Variants in PRKAA2 observed in about 807,000 individuals in gnomAD.
PRKAA2 encodes the protein 5'-AMP-activated protein kinase catalytic subunit alpha-2.
PRKAA2 carries 40 observed loss-of-function variants against 56.3 expected under a neutral mutation model. The ratio of observed to expected loss-of-function variants is 0.71; its 90% CI spans 0.55 to 0.92. The LOEUF is 0.92. Ranked by LOEUF, PRKAA2 falls within the 40% of genes least tolerant of loss-of-function variation. PRKAA2 has a pLI of 0.00. For synonymous variants in PRKAA2, 214 were observed against 234.2 expected, an observed-to-expected ratio of 0.91 and a Z score of 0.79; for missense variants, 542 against 686.9, an observed-to-expected ratio of 0.79 and a Z score of 2.36.
chr1:56,647,812 T>C (rs1646655473), intron 1 of PRKAA2, among the ~76,000 whole-genome samples: 1 of 151,740 alleles, frequency 6.6e-6, no homozygotes, highest in Non-Finnish European at 1.5e-5. Flanking sequence ...GGCGGTTCAA[T>C]TGAGGTCAGG....
chr1:56,663,974 C>T (rs1337146627), intron 1 of PRKAA2, among the ~76,000 whole-genome samples: 3 of 152,090 alleles, frequency 2.0e-5, no homozygotes, highest in Admixed American at 6.5e-5. Flanking sequence ...TGGTGCACGC[C>T]TATGGTTACA....
At chr1:56,692,213 G>A in intron 3 of PRKAA2, 145 bp from the exon 4 acceptor site, 1 of 899,698 alleles carries the variant, frequency 1.1e-6, no homozygotes, top group South Asian at 1.6e-5. Flanking sequence ...TGTATTTTTA[G>A]TAGAGATGGA....
Position 56,704,297 on chromosome 1 carries a change from C to T in PRKAA2, c.1115C>T (p.Pro372Leu). 6.2e-7 allele frequency: 1 copy of T among 1,614,092 alleles called. No homozygotes were observed. Among genetic ancestry groups the T allele is most frequent in the Non-Finnish European group, 8.5e-7 (1 of 1,180,010 alleles). Reference sequence around the variant, plus strand: ...AAACCTCATCCAGAAAGGATGCCACCTCTTATAGCAGACAGCCCCAAAGCA... The same window carrying T: ...AAACCTCATCCAGAAAGGATGCCACTTCTTATAGCAGACAGCCCCAAAGCA... ...GLKPHPERMP[P>L]LIADSPKARC... Residue 372 changes from proline to leucine, a missense_variant, in exon 7 of 9, where the codon CCT (proline) becomes CTT (leucine). Pro to Leu is a moderately conservative substitution (Grantham distance 98). Around this residue, in one of 5 missense-constraint regions of PRKAA2, gnomAD observed 198 missense variants for 234.0 expected, o/e 0.85. Transcript: ENST00000371244.
In PRKAA2 at chr1:56,704,435, A is replaced by G; in HGVS notation, c.1253A>G (p.Glu418Gly). 1 of 1,610,434 alleles carries G rather than the reference A, an allele frequency of 6.2e-7. No individual in the cohort carries two copies. The highest frequency in any genetic ancestry group is 8.5e-7 in the Non-Finnish European group (1 of 1,179,056). ...AGCAAACCGTATGACATTATGGCTG[A>G]AGTTTACCGAGCTATGAAGCAGCTG... ...SQSKPYDIMA[E>G]VYRAMKQLDF... The change falls in exon 7 of 9, where the codon GAA (glutamate) becomes GGA (glycine). Residue 418 changes from glutamate (E) to glycine (G), a missense_variant. Coordinates refer to ENST00000371244, the MANE Select transcript of PRKAA2 (RefSeq NM_006252.4).
chr1:56,696,233 A>G, intron 6 of PRKAA2, 74 bp downstream of exon 6: 2 of 1,406,294 alleles, frequency 1.4e-6, no homozygotes, highest in South Asian at 2.6e-5. Flanking sequence ...GATTCTCCCA[A>G]AGTCTCATTT....
chr1:56,672,346 G>A (rs1342886243), intron 1 of PRKAA2, among the ~76,000 whole-genome samples: 2 of 152,026 alleles, frequency 1.3e-5, no homozygotes, highest in East Asian at 1.9e-4. Flanking sequence ...CGAACTCCTG[G>A]GCTCAAGTGA....
rs778193262 is a variant in PRKAA2 at position 56,704,433 on chromosome 1, T to G, written c.1251T>G (p.Ala417=). The change falls in exon 7 of 9, where the codon GCT becomes GCG. Residue 417 remains alanine, a synonymous_variant. Transcript: ENST00000371244. Reference sequence around the variant, plus strand: ...AGAGCAAACCGTATGACATTATGGCTGAAGTTTACCGAGCTATGAAGCAGC... The same window carrying G: ...AGAGCAAACCGTATGACATTATGGCGGAAGTTTACCGAGCTATGAAGCAGC... ...RSQSKPYDIM[A]EVYRAMKQLD... 22 of 1,610,594 alleles carry G rather than the reference T, an allele frequency of 1.4e-5. No homozygotes were observed.
chr1:56,685,419 G>A (rs913592724), intron 2 of PRKAA2, among the ~76,000 whole-genome samples: 3 of 152,118 alleles, frequency 2.0e-5, no homozygotes, highest in African/African-American at 7.2e-5. Context: ...AGATTTTTGA[G>A]GGAGGAAGTT....
intron 2 of PRKAA2, among the ~76,000 whole-genome samples, chr1:56,674,999 T>C (rs192235200): frequency 6.6e-6 from 1 of 152,212 alleles, no homozygotes; most frequent in East Asian, 1.9e-4. Flanking sequence ...GAACTGAAAG[T>C]AGTACTATAA....
At chr1:56,685,491 C>T (rs1176695853) in intron 2 of PRKAA2, among the ~76,000 whole-genome samples, 2 of 152,088 alleles carry the variant, frequency 1.3e-5, no homozygotes, top group Non-Finnish European at 2.9e-5. Context: ...AATTTGCCAG[C>T]ATTTAAGATT....
chr1:56,706,622 G>A lies in PRKAA2; in HGVS notation c.1420+404G>A, dbSNP rs532568565. ...TTTCCTCATCCTGGGTGGCCAGGGC[G>A]ACCAAATAGGTCTCCATTGGGATTT... On this transcript the variant is annotated intron_variant, in intron 8 of 8. Coordinates refer to ENST00000371244, the MANE Select transcript of PRKAA2 (RefSeq NM_006252.4). Among the ~76,000 whole-genome samples, 7 of 152,260 alleles carry A rather than the reference G, an allele frequency of 4.6e-5. No individual in the cohort carries two copies. In the South Asian group the frequency reaches 8.3e-4, roughly 18 times the overall value.
At chr1:56,693,743 T>C (rs1220910606) in intron 4 of PRKAA2, 22 bp from the exon 5 acceptor site, 32 of 1,496,556 alleles carry the variant, frequency 2.1e-5, no homozygotes, top group Non-Finnish European at 2.9e-5. Context: ...TAGCACCAAG[T>C]AAACATTACT....
At chr1:56,677,504 A>G (rs1644121546) in intron 2 of PRKAA2, among the ~76,000 whole-genome samples, 1 of 152,222 alleles carries the variant, frequency 6.6e-6, no homozygotes, top group South Asian at 2.1e-4. Flanking sequence ...CACTTTTACA[A>G]TGCCAACCCT....
At chr1:56,656,842 G>A (rs1315597615) in intron 1 of PRKAA2, among the ~76,000 whole-genome samples, 1 of 152,152 alleles carries the variant, frequency 6.6e-6, no homozygotes, top group Non-Finnish European at 1.5e-5. Flanking sequence ...AAAAAGCTAA[G>A]TAAAACTGAT....
At chr1:56,705,431 G>T (rs1001959947) in intron 7 of PRKAA2, among the ~76,000 whole-genome samples, 15 of 151,950 alleles carry the variant, frequency 9.9e-5, no homozygotes, top group African/African-American at 3.1e-4. Context: ...TTGAGACAGG[G>T]TCTCACTCTG....
intron 1 of PRKAA2, among the ~76,000 whole-genome samples, chr1:56,672,300 A>G (rs1399389093): frequency 1.3e-5 from 2 of 152,048 alleles, no homozygotes; most frequent in Non-Finnish European, 2.9e-5. Context: ...TATTTTTAGT[A>G]GAGATGGGGT....
chr1:56,704,449 A>G lies in PRKAA2; in HGVS notation c.1267A>G (p.Met423Val), dbSNP rs762711078. 4.4e-6 allele frequency: 7 copies of G among 1,603,522 alleles called. No individual in the cohort carries two copies. The South Asian group carries it at 5.6e-5, about 13-fold the overall frequency. Residue 423 changes from methionine to valine, a missense_variant, in exon 7 of 9, where the codon ATG (methionine) becomes GTG (valine). Transcript: ENST00000371244. Reference protein sequence around the residue: ...YDIMAEVYRAMKQLDFEWKVV... With the variant: ...YDIMAEVYRAVKQLDFEWKVV... ...CATTATGGCTGAAGTTTACCGAGCTATGAAGCAGCTGGATTTTGAATGGAA... is the reference window on the plus strand; with the variant it reads ...CATTATGGCTGAAGTTTACCGAGCTGTGAAGCAGCTGGATTTTGAATGGAA...
chr1:56,682,053 C>T (rs1557553775), intron 2 of PRKAA2, among the ~76,000 whole-genome samples: 1 of 152,044 alleles, frequency 6.6e-6, no homozygotes, highest in African/African-American at 2.4e-5. Context: ...TGTAGTTCTC[C>T]TTGAAGAGGT....
intron 1 of PRKAA2, among the ~76,000 whole-genome samples, chr1:56,651,070 A>T (rs1643892619): frequency 6.6e-6 from 1 of 152,008 alleles, no homozygotes; most frequent in Non-Finnish European, 1.5e-5. Context: ...GAACAATTTA[A>T]CTCCCTGGGC....
Sources: gnomAD v4.1 joint callset for allele counts (sites outside exome capture counted in the v4.1 genomes callset) on GRCh38, gnomAD v4.1.1 for gene constraint, gnomAD v4.1.1 regional missense constraint, MANE v1.5 for transcripts, NCBI Gene and HGNC (gene_info 2026-07-23, HGNC 2026-07-21) for gene names.